The following TTLL11 variants were observed in gnomAD, a reference collection of about 807,000 sequenced individuals.
TTLL11 encodes the protein tubulin tyrosine ligase like 11, also known as tubulin polyglutamylase TTLL11.
TTLL11 carries 42 observed loss-of-function variants against 51.7 expected under a neutral mutation model. That is an observed-to-expected ratio of 0.81 (90% confidence interval 0.64 to 1.05). The LOEUF is 1.05. TTLL11 is among the 50% of genes least tolerant of loss of function. The pLI is 0.00. For synonymous variants in TTLL11, 381 were observed against 383.5 expected, an observed-to-expected ratio of 0.99 and a Z score of 0.08; for missense variants, 799 against 940.4, an observed-to-expected ratio of 0.85 and a Z score of 1.97.
intron 6 of TTLL11, among the ~76,000 whole-genome samples, chr9:121,944,117 AGGAAGGCT>A (rs1439707818): frequency 8.5e-5 from 13 of 152,260 alleles, no homozygotes; most frequent in African/African-American, 2.7e-4. Context: ...AAAATAGCAT[AGGAAGGCT>A]GGTTGCACCA....
Position 121,820,026 on chromosome 9 carries a change from C to T in TTLL11, c.*2561G>A, listed in dbSNP as rs1361759379. On this transcript the variant is annotated 3_prime_UTR_variant, in exon 9 of 9. Transcript: ENST00000321582. ...ATCAGCAGGGAGGCTCTGTGCCCTG[C>T]GGGTGGGTGGGGCTATCGGGGCCTT... Among the ~76,000 whole-genome samples the T allele has an allele frequency of 1.3e-5, 2 of 152,096 alleles. No homozygotes were observed. The highest frequency in any genetic ancestry group is 2.4e-5 in the African/African-American group (1 of 41,422).
At position 121,892,302 on chromosome 9, in the gene TTLL11, A is replaced by G. The variant is rs180968339; in HGVS notation, c.1482-21554T>C. 3.2e-4 allele frequency among the ~76,000 whole-genome samples: 48 copies of G among 151,980 alleles called. No individual in the cohort carries two copies. The East Asian group carries it at 8.3e-3, about 26-fold the overall frequency. Reference sequence around the variant, plus strand: ...TGGGAAACTGTGTTAGTCCATTTGCATGCTTCTGATAAAGGCATACCTAAG... The same window carrying G: ...TGGGAAACTGTGTTAGTCCATTTGCGTGCTTCTGATAAAGGCATACCTAAG... On this transcript the variant is annotated intron_variant, in intron 6 of 8. Coordinates refer to ENST00000321582, the MANE Select transcript of TTLL11 (RefSeq NM_001139442.2).
In TTLL11 at chr9:121,899,365, GTATATATATATACATA is replaced by G. The variant is rs1482761894; in HGVS notation, c.1482-28633_1482-28618del. ...TCTGTGTGTGTGTGTATGTGTGTGT[GTATATATATATACATA>G]TATATATATATATATATATATACAC... On this transcript the variant is annotated intron_variant, in intron 6 of 8. Transcript: ENST00000321582. 1.3e-4 allele frequency among the ~76,000 whole-genome samples: 15 copies of G among 113,248 alleles called. No individual in the cohort carries two copies. The South Asian group carries it at 4.4e-3, about 33-fold the overall frequency. 74.3% of individuals were successfully genotyped at this position (113,248 alleles called of 152,430 possible).
At chr9:121,881,956 T>A (rs2131419283) in intron 6 of TTLL11, among the ~76,000 whole-genome samples, 1 of 152,298 alleles carries the variant, frequency 6.6e-6, no homozygotes, top group African/African-American at 2.4e-5. Context: ...TGGTAATCTT[T>A]GAAAAGTCTC....
intron 8 of TTLL11, among the ~76,000 whole-genome samples, chr9:121,843,499 T>C (rs1837421835): frequency 6.6e-6 from 1 of 151,970 alleles, no homozygotes; most frequent in Non-Finnish European, 1.5e-5. Flanking sequence ...CTCCCACCTT[T>C]TTGTGAGTGG....
chr9:122,003,554 G>T (rs938225943), intron 3 of TTLL11, among the ~76,000 whole-genome samples: 2 of 143,396 alleles, frequency 1.4e-5, no homozygotes, highest in Non-Finnish European at 3.0e-5. Flanking sequence ...GTGCAATCTC[G>T]GCTCACTGCA....
At chr9:122,012,678 G>GCA (rs375690929) in intron 3 of TTLL11, among the ~76,000 whole-genome samples, 2,856 of 142,478 alleles carry the variant, frequency 0.02, 59 homozygotes, top group African/African-American at 0.055. Flanking sequence ...ACACACACAC[G>GCA]CACACACACA....
intron 6 of TTLL11, among the ~76,000 whole-genome samples, chr9:121,947,891 G>A (rs1300566233): frequency 6.6e-6 from 1 of 152,242 alleles, no homozygotes; most frequent in Admixed American, 6.5e-5. Context: ...TCCTCTAACA[G>A]CAGGGCTCGA....
At chr9:122,081,028 G>C (rs1378691709) in intron 1 of TTLL11, among the ~76,000 whole-genome samples, 4 of 152,262 alleles carry the variant, frequency 2.6e-5, no homozygotes, top group South Asian at 2.1e-4. Context: ...TCAATGGTAG[G>C]ACTATAAATG....
At chr9:121,929,132 C>T (rs1208329243) in intron 6 of TTLL11, among the ~76,000 whole-genome samples, 4 of 152,092 alleles carry the variant, frequency 2.6e-5, no homozygotes, top group Non-Finnish European at 5.9e-5. Flanking sequence ...CCAAACCACA[C>T]AAACTTTCCA....
chr9:121,894,646 G>T (rs915077830), intron 6 of TTLL11, among the ~76,000 whole-genome samples: 1 of 152,086 alleles, frequency 6.6e-6, no homozygotes, highest in Non-Finnish European at 1.5e-5. Flanking sequence ...ACTAACACAG[G>T]AACAGAAAAT....
chr9:122,012,520 A>C (rs920196912), intron 3 of TTLL11, among the ~76,000 whole-genome samples: 1 of 152,168 alleles, frequency 6.6e-6, no homozygotes, highest in African/African-American at 2.4e-5. Flanking sequence ...TCAGTACGGC[A>C]AGGTAGCAAG....
intron 2 of TTLL11, among the ~76,000 whole-genome samples, chr9:122,035,840 C>T (rs1844685884): frequency 6.6e-6 from 1 of 152,186 alleles, no homozygotes; most frequent in African/African-American, 2.4e-5. Context: ...CTATGACCTT[C>T]AGGCTCTAAC....
chr9:121,858,863 C>G (rs1837911630), intron 8 of TTLL11, among the ~76,000 whole-genome samples: 1 of 152,220 alleles, frequency 6.6e-6, no homozygotes, highest in Non-Finnish European at 1.5e-5. Context: ...CAATTCTAAT[C>G]TGGATCTCCC....
intron 6 of TTLL11, among the ~76,000 whole-genome samples, chr9:121,953,662 A>T (rs920484266): frequency 1.3e-5 from 2 of 149,198 alleles, no homozygotes; most frequent in African/African-American, 4.9e-5. Flanking sequence ...AAAGAAGAAG[A>T]TTAACCAAAG....
At chr9:121,879,745 C>T (rs62574539) in intron 6 of TTLL11, among the ~76,000 whole-genome samples, 5,089 of 23,100 alleles carry the variant, frequency 0.22, 841 homozygotes, top group East Asian at 0.46. Context: ...GGTGGGAGAA[C>T]TGCTTGAAGC....
rs559356466 is a variant in TTLL11, at chr9:122,055,612, A to G, written c.463-16244T>C. On this transcript the variant is annotated intron_variant, in intron 1 of 8. Coordinates refer to ENST00000321582, the MANE Select transcript of TTLL11 (RefSeq NM_001139442.2). ...TGCATCCTTCAGTCCAATCAAGTTG[A>G]CACTCAGTATTAACCATCACAAGGG... is the stretch of plus-strand genomic sequence containing the variant. 5.2e-4 allele frequency among the ~76,000 whole-genome samples: 79 copies of G among 152,310 alleles called. 2 individuals carry two copies. In the South Asian group the frequency reaches 0.016, roughly 31 times the overall value.
intron 6 of TTLL11, among the ~76,000 whole-genome samples, chr9:121,967,209 GATTTTTTTTTTTT>G (rs1389581803): frequency 8.2e-6 from 1 of 122,444 alleles, no homozygotes; most frequent in Non-Finnish European, 1.7e-5. Context: ...TTCAGCGGGA[GATTTTTTTTTTTT>G]TTTTTTTTTT....
intron 8 of TTLL11, among the ~76,000 whole-genome samples, chr9:121,823,636 A>C (rs1024079806): frequency 2.6e-5 from 4 of 152,218 alleles, no homozygotes; most frequent in Non-Finnish European, 2.9e-5. Context: ...GTTTGACGGC[A>C]AAGTTCTATC....
Sources: allele counts gnomAD v4.1 joint callset (sites outside exome capture counted in the v4.1 genomes callset), GRCh38; gene constraint gnomAD v4.1.1; transcripts MANE v1.5; gene names NCBI Gene and HGNC (gene_info 2026-07-23, HGNC 2026-07-21).